Variants in WNT2 observed in about 807,000 individuals in gnomAD.
WNT2 encodes the protein Wnt family member 2.
A neutral mutation model predicts 36.9 loss-of-function variants in WNT2; 12 were observed. The ratio of observed to expected loss-of-function variants is 0.33; its 90% CI spans 0.21 to 0.53. The LOEUF is 0.53. Among genes scored for constraint, WNT2 ranks in the 20% least tolerant of loss-of-function variants. WNT2 has a pLI of 0.95. For synonymous variants in WNT2, 163 were observed against 174.6 expected (o/e 0.93, Z 0.52); for missense variants, 379 against 473.1 (o/e 0.80, Z 1.84).
At chr7:117,280,343 T>A (rs1208926546) in intron 4 of WNT2, among the ~76,000 whole-genome samples, 1 of 152,198 alleles carries the variant, frequency 6.6e-6, no homozygotes, top group Non-Finnish European at 1.5e-5. Context: ...AGCACACCCA[T>A]TATTTCATTC....
chr7:117,292,346 G>T (rs532031068), intron 4 of WNT2, among the ~76,000 whole-genome samples: 1 of 152,016 alleles, frequency 6.6e-6, no homozygotes, highest in Non-Finnish European at 1.5e-5. Context: ...AGTGAGAAAG[G>T]TATGGGTTTT....
intron 3 of WNT2, among the ~76,000 whole-genome samples, chr7:117,298,498 T>A (rs1794838109): frequency 6.6e-6 from 1 of 152,134 alleles, no homozygotes; most frequent in South Asian, 2.1e-4. Flanking sequence ...ACCCTGAGGC[T>A]GACAGTAACT....
chr7:117,316,468 G>A (rs1485888780), intron 2 of WNT2, among the ~76,000 whole-genome samples: 1 of 152,162 alleles, frequency 6.6e-6, no homozygotes, highest in African/African-American at 2.4e-5. Context: ...ATGCAAGGCA[G>A]AAAACAGAGA....
intron 4 of WNT2, among the ~76,000 whole-genome samples, chr7:117,287,342 C>CAAAACA (rs371698751): frequency 8.1e-4 from 124 of 152,250 alleles, no homozygotes; most frequent in Admixed American, 3.1e-3. Context: ...GAGACTGTCT[C>CAAAACA]AAAACAAAAA....
At chr7:117,304,236 GATGGGAAGTCTGAT>G (rs1794970448) in intron 3 of WNT2, among the ~76,000 whole-genome samples, 1 of 152,294 alleles carries the variant, frequency 6.6e-6, no homozygotes, top group South Asian at 2.1e-4. Flanking sequence ...TAATGTTGCA[GATGGGAAGTCTGAT>G]ATGGGAAGTC....
chr7:117,320,435 C>T, intron 2 of WNT2, 132 bp downstream of exon 2: 2 of 871,996 alleles, frequency 2.3e-6, no homozygotes, highest in South Asian at 1.6e-5. Context: ...AGAACAGGGA[C>T]AATGACGCCC....
chr7:117,300,073 CACTA>C (rs1266066258), intron 3 of WNT2, among the ~76,000 whole-genome samples: 1 of 152,140 alleles, frequency 6.6e-6, no homozygotes, highest in East Asian at 1.9e-4. Flanking sequence ...ACTGTCTTGC[CACTA>C]ACTTTTTTCC....
Position 117,275,889 on chromosome 7 carries a change from ATCCTTGTCCCCT to A in WNT2, c.*2254_*2265del, listed in dbSNP as rs1794351385. Among the ~76,000 whole-genome samples the A allele has an allele frequency of 6.6e-6, 1 of 152,230 alleles. No homozygotes were observed. ...AATTTATGTAGGTTCCTACGTGGAT[ATCCTTGTCCCCT>A]TGCTACTTACCAGGAGGGATATATC... On this transcript the variant is annotated 3_prime_UTR_variant, in exon 5 of 5. Transcript: ENST00000265441.
At chr7:117,307,447 T>A (rs1253011239) in intron 3 of WNT2, among the ~76,000 whole-genome samples, 2 of 151,898 alleles carry the variant, frequency 1.3e-5, no homozygotes, top group Non-Finnish European at 1.5e-5. Context: ...GCCAAGCCTG[T>A]CTGACACCAA....
In WNT2 at chr7:117,278,053, C is replaced by T. The variant is rs1794411325; in HGVS notation, c.*102G>A. The T allele has an allele frequency of 3.7e-6, 5 of 1,368,296 alleles. No individual in the cohort carries two copies. The highest frequency in any genetic ancestry group is 5.1e-6 in the Non-Finnish European group (5 of 983,136). The allele number at this position is 1,368,296 out of a possible 1,614,324, so 84.8% of individuals were successfully genotyped here. ...CTTCCGTTGAGATAAAGGCCACATG[C>T]CTTAGGAAATATCCCCCCAGAAAGA... On this transcript the variant is annotated 3_prime_UTR_variant, in exon 5 of 5. Transcript: ENST00000265441.
chr7:117,281,264 G>GT (rs1243545361), intron 4 of WNT2, among the ~76,000 whole-genome samples: 1 of 152,094 alleles, frequency 6.6e-6, no homozygotes, highest in Non-Finnish European at 1.5e-5. Flanking sequence ...TTGAGACAGG[G>GT]TCTCACTCTG....
Position 117,277,613 on chromosome 7 carries a change from A to C in WNT2, c.*542T>G, listed in dbSNP as rs138984410. On this transcript the variant is annotated 3_prime_UTR_variant, in exon 5 of 5. Transcript: ENST00000265441. Reference sequence around the variant, plus strand: ...GCCATTCTTCTCCAGGTAATTACCAATTACCCCTAAGGGTGGTAGCTGTAA... The same window carrying C: ...GCCATTCTTCTCCAGGTAATTACCACTTACCCCTAAGGGTGGTAGCTGTAA... 1.3e-5 allele frequency: 2 copies of C among 155,744 alleles called. No homozygotes were observed. Among genetic ancestry groups the C allele is most frequent in the East Asian group, 3.8e-4 (2 of 5,220 alleles). The allele number at this position is 155,744 out of a possible 1,614,324, so 9.6% of individuals were successfully genotyped here. A position where few individuals can be genotyped will look rare whatever the true frequency, so the allele number is the denominator to read the frequency against.
chr7:117,306,792 G>T (rs952126371), intron 3 of WNT2, among the ~76,000 whole-genome samples: 16 of 152,150 alleles, frequency 1.1e-4, no homozygotes, highest in Middle Eastern at 3.2e-3. Context: ...TTGTTCATGT[G>T]ACATAGCTAT....
rs1352273331 is a variant in WNT2 at position 117,315,259 on chromosome 7, A to G, written c.400T>C (p.Ser134Pro). The part of the protein sequence containing the change: ...TRACSQGEVK[S>P]CSCDPKKMGS... ...ATCTTCTTTGGATCACAGGAACAGG[A>G]TTTTACTTCTCCTTGGCTACAGGCC... Residue 134 changes from serine to proline, a missense_variant, in exon 3 of 5, where the codon TCC becomes CCC. Ser to Pro is a moderately conservative substitution (Grantham distance 74). Coordinates refer to ENST00000265441, the MANE Select transcript of WNT2 (RefSeq NM_003391.3). The G allele has an allele frequency of 1.2e-6, 2 of 1,614,178 alleles. No individual in the cohort carries two copies. The highest frequency in any genetic ancestry group is 1.7e-5 in the Admixed American group (1 of 60,024).
chr7:117,299,997 T>G (rs534577060), intron 3 of WNT2, among the ~76,000 whole-genome samples: 98 of 152,302 alleles, frequency 6.4e-4, no homozygotes, highest in African/African-American at 2.3e-3. Context: ...TGTTCAGATG[T>G]TGGGCAGCCT....
In WNT2 at chr7:117,298,028, G is replaced by A. The variant is rs115020091; in HGVS notation, c.589-152C>T. On this transcript the variant is annotated intron_variant, in intron 3 of 4. Transcript: ENST00000265441. Reference sequence around the variant, plus strand: ...AATGTTGAAGCATTGCTTGTCACTTGTTAGCCACATTAGCCACCTGCCCTG... The same window carrying A: ...AATGTTGAAGCATTGCTTGTCACTTATTAGCCACATTAGCCACCTGCCCTG... The A allele has an allele frequency of 1.3e-3, 1,529 of 1,152,416 alleles. 19 individuals are homozygous for A. In the African/African-American group the frequency reaches 0.021, roughly 16 times the overall value. The allele number at this position is 1,152,416 out of a possible 1,614,324, so 71.4% of individuals were successfully genotyped here. A position where few individuals can be genotyped will look rare whatever the true frequency, so the allele number is the denominator to read the frequency against.
chr7:117,289,423 T>G (rs1245168930), intron 4 of WNT2, among the ~76,000 whole-genome samples: 1 of 152,112 alleles, frequency 6.6e-6, no homozygotes, highest in East Asian at 1.9e-4. Context: ...CATAAATGCC[T>G]CATGAATGCG....
intron 4 of WNT2, among the ~76,000 whole-genome samples, chr7:117,288,412 T>C (rs1257898436): frequency 6.6e-6 from 1 of 152,068 alleles, no homozygotes; most frequent in Non-Finnish European, 1.5e-5. Flanking sequence ...TCCTTATAGA[T>C]CACACAGGGC....
In WNT2 at chr7:117,320,594, T is replaced by C. The variant is rs1290465937; in HGVS notation, c.283A>G (p.Ser95Gly). ...CGGAGTAGGACCCTGCCAAAAAGGC[T>C]GTGATCCCTGTCCAGGGTGTTGCAA... is the stretch of plus-strand genomic sequence containing the variant. Reference protein sequence around the residue: ...WNCNTLDRDHSLFGRVLLRSS... With the variant: ...WNCNTLDRDHGLFGRVLLRSS... Residue 95 changes from serine (S) to glycine (G), a missense_variant, in exon 2 of 5, where the codon AGC (serine) becomes GGC (glycine). Coordinates refer to ENST00000265441, the MANE Select transcript of WNT2 (RefSeq NM_003391.3). 6.2e-7 allele frequency: 1 copy of C among 1,613,812 alleles called. No individual in the cohort carries two copies. Among genetic ancestry groups the C allele is most frequent in the African/African-American group, 1.3e-5 (1 of 75,062 alleles).
Sources: allele counts gnomAD v4.1 joint callset (sites outside exome capture counted in the v4.1 genomes callset), GRCh38; gene constraint gnomAD v4.1.1; transcripts MANE v1.5; gene names NCBI Gene and HGNC (gene_info 2026-07-23, HGNC 2026-07-21).